The following ESYT2 variants were observed in gnomAD, a reference collection of about 807,000 sequenced individuals.
ESYT2 encodes the protein extended synaptotagmin 2.
Under a neutral mutation model 107.2 loss-of-function variants are expected in ESYT2, and 54 were observed. That is an observed-to-expected ratio of 0.50 (90% CI 0.40 to 0.63). The LOEUF is 0.63. Among genes scored for constraint, ESYT2 ranks in the 30% least tolerant of loss-of-function variants. The pLI is 0.00. For missense variants in ESYT2, 1,020 were observed against 1,094.5 expected (o/e 0.93, Z 0.96); for synonymous variants, 491 against 434.1 (o/e 1.13, Z -1.63).
intron 6 of ESYT2, among the ~76,000 whole-genome samples, chr7:158,785,589 A>C (rs1394110910): frequency 1.3e-5 from 2 of 152,200 alleles, no homozygotes; most frequent in Non-Finnish European, 2.9e-5. Flanking sequence ...TTTGGCATTT[A>C]ATTTTCAGAT....
At chr7:158,802,041 G>A (rs886679937) in intron 1 of ESYT2, among the ~76,000 whole-genome samples, 2 of 152,176 alleles carry the variant, frequency 1.3e-5, no homozygotes, top group African/African-American at 4.8e-5. Context: ...GGACTCCAGA[G>A]TCCTTCCTGC....
chr7:158,791,116 T>C (rs11981604), intron 4 of ESYT2, among the ~76,000 whole-genome samples: 19,532 of 151,940 alleles, frequency 0.13, 1,875 homozygotes, highest in East Asian at 0.43. Context: ...TTCCTTCTGC[T>C]CCCAGGCCCT....
chr7:158,748,722 A>AT (rs966024386), intron 15 of ESYT2, among the ~76,000 whole-genome samples: 11 of 144,592 alleles, frequency 7.6e-5, no homozygotes, highest in Middle Eastern at 3.5e-3. Flanking sequence ...TTTATTTTTT[A>AT]TTTTTTTTTG....
At chr7:158,789,839 C>A (rs1839225417) in intron 4 of ESYT2, among the ~76,000 whole-genome samples, 1 of 152,152 alleles carries the variant, frequency 6.6e-6, no homozygotes, top group Non-Finnish European at 1.5e-5. Flanking sequence ...CAGACTGATG[C>A]GTATTTGTTC....
At chr7:158,759,863 G>A (rs1219985540) in intron 12 of ESYT2, among the ~76,000 whole-genome samples, 195 bp downstream of exon 12, 1 of 152,060 alleles carries the variant, frequency 6.6e-6, no homozygotes, top group Non-Finnish European at 1.5e-5. Context: ...AGGTATGAAG[G>A]ACCTATAAAT....
intron 10 of ESYT2, among the ~76,000 whole-genome samples, chr7:158,762,073 C>A (rs1837988599): frequency 6.6e-6 from 1 of 152,100 alleles, no homozygotes; most frequent in Admixed American, 6.5e-5. Context: ...CCGATGGACG[C>A]CCTCACTCGG....
At chr7:158,749,042 A>C (rs1837500148) in intron 15 of ESYT2, among the ~76,000 whole-genome samples, 1 of 152,080 alleles carries the variant, frequency 6.6e-6, no homozygotes, top group South Asian at 2.1e-4. Context: ...AAACTTAGGA[A>C]TTGTTCCCAT....
chr7:158,754,297 C>T (rs888161578), intron 13 of ESYT2, among the ~76,000 whole-genome samples: 2 of 152,200 alleles, frequency 1.3e-5, no homozygotes, highest in Non-Finnish European at 2.9e-5. Flanking sequence ...ACCTCCACCT[C>T]CTGGGTTCAA....
chr7:158,793,782 C>T (rs777563781), intron 3 of ESYT2, 56 bp from the exon 4 acceptor site: 61 of 1,309,406 alleles, frequency 4.7e-5, no homozygotes, highest in Admixed American at 1.2e-4. Flanking sequence ...AAAATCAAAC[C>T]GTGTAACATA....
intron 3 of ESYT2, among the ~76,000 whole-genome samples, chr7:158,795,805 C>T (rs576145681): frequency 8.5e-5 from 13 of 152,196 alleles, no homozygotes; most frequent in African/African-American, 2.2e-4. Flanking sequence ...GACATGGGCT[C>T]GTCCTACGGG....
At chr7:158,772,140 T>G (rs1563641893) in intron 7 of ESYT2, among the ~76,000 whole-genome samples, 1 of 151,694 alleles carries the variant, frequency 6.6e-6, no homozygotes, top group Non-Finnish European at 1.5e-5. Flanking sequence ...AAAAAGAAAC[T>G]TACTTATTTA....
Position 158,773,945 on chromosome 7 carries a change from T to C in ESYT2, c.748-549A>G, listed in dbSNP as rs565727792. On this transcript the variant is annotated intron_variant, in intron 6 of 22. Coordinates refer to ENST00000275418, the MANE Select transcript of ESYT2 (RefSeq NM_001367773.1). ...TATCTGGCAGTTAAATAATGGACTT[T>C]ATCATTGTTTTACTTTGTATTTTCC... 2.6e-5 allele frequency among the ~76,000 whole-genome samples: 4 copies of C among 152,384 alleles called. No individual in the cohort carries two copies. In the East Asian group the frequency reaches 7.7e-4, roughly 29 times the overall value.
chr7:158,731,791 T>G lies in ESYT2; in HGVS notation c.*2416A>C, dbSNP rs1396989803. 6.6e-6 allele frequency: 1 copy of G among 152,666 alleles called. No individual in the cohort carries two copies. The highest frequency in any genetic ancestry group is 6.5e-5 in the Admixed American group (1 of 15,282). The allele number at this position is 152,666 out of a possible 1,614,324, so 9.5% of individuals were successfully genotyped here. A position where few individuals can be genotyped will look rare whatever the true frequency, so the allele number is the denominator to read the frequency against. ...AATTCCCTTTTCTTAGATAAACTGA[T>G]TATTTAAAACTGAAAATTAACGTTT... On this transcript the variant is annotated 3_prime_UTR_variant, in exon 23 of 23. Transcript: ENST00000275418.
chr7:158,828,629 G>C (rs1032818089), intron 1 of ESYT2, among the ~76,000 whole-genome samples: 6 of 152,246 alleles, frequency 3.9e-5, no homozygotes, highest in African/African-American at 1.4e-4. Flanking sequence ...GGCGGGCGGG[G>C]AAGCGGAGAA....
intron 13 of ESYT2, among the ~76,000 whole-genome samples, chr7:158,758,671 G>A (rs952727671): frequency 2.0e-5 from 3 of 152,128 alleles, no homozygotes; most frequent in Admixed American, 6.5e-5. Context: ...CTGTGGACAC[G>A]ATGAAATAAA....
intron 1 of ESYT2, among the ~76,000 whole-genome samples, chr7:158,809,707 T>G (rs972594129): frequency 6.6e-6 from 1 of 152,200 alleles, no homozygotes; most frequent in African/African-American, 2.4e-5. Context: ...CTTAACACAT[T>G]GTAAGTTTCA....
chr7:158,754,749 G>A (rs1345365697), intron 13 of ESYT2, among the ~76,000 whole-genome samples: 2 of 152,140 alleles, frequency 1.3e-5, no homozygotes, highest in Non-Finnish European at 2.9e-5. Context: ...CAAGCACCCC[G>A]ACTCTGGGCC....
intron 1 of ESYT2, among the ~76,000 whole-genome samples, chr7:158,819,823 G>A (rs569603443): frequency 6.6e-6 from 1 of 152,136 alleles, no homozygotes; most frequent in African/African-American, 2.4e-5. Context: ...GGACTTCACC[G>A]TGTAACTGAA....
intron 1 of ESYT2, among the ~76,000 whole-genome samples, chr7:158,824,504 C>T (rs1840382804): frequency 6.6e-6 from 1 of 152,142 alleles, no homozygotes; most frequent in Non-Finnish European, 1.5e-5. Context: ...ACTATACATA[C>T]CATATTTTTG....
Sources: allele counts gnomAD v4.1 joint callset (sites outside exome capture counted in the v4.1 genomes callset), GRCh38; gene constraint gnomAD v4.1.1; transcripts MANE v1.5; gene names NCBI Gene and HGNC (gene_info 2026-07-23, HGNC 2026-07-21).